CELF6: variants seen among roughly 807,000 people sequenced by gnomAD.
CELF6 encodes the protein Bruno -like 6, RNA binding protein.
In CELF6, 32 loss-of-function variants were observed where a neutral mutation model predicts 53.1. That is an observed-to-expected ratio of 0.60 (90% CI 0.46 to 0.81). The LOEUF is 0.81. Ranked by LOEUF, CELF6 falls within the 30% of genes least tolerant of loss-of-function variation. The probability of loss-of-function intolerance (pLI) is 0.00; values close to 1 mark genes in which losing one functional copy is unlikely to be tolerated. For synonymous variants in CELF6, 291 were observed against 288.8 expected, an observed-to-expected ratio of 1.01 and a Z score of -0.08; for missense variants, 539 against 669.5, an observed-to-expected ratio of 0.81 and a Z score of 2.15.
chr15:72,313,706 A>G (rs2088328935), intron 2 of CELF6: 2 of 955,762 alleles, frequency 2.1e-6, no homozygotes, highest in Non-Finnish European at 2.5e-6. Context: ...TGTTTCCCAC[A>G]TGGAATGTTA....
rs1270882566 is a variant in CELF6, at chr15:72,288,596, G to T, written c.1116C>A (p.Ala372=). The T allele has an allele frequency of 6.4e-7, 1 of 1,570,472 alleles. No homozygotes were observed. Among genetic ancestry groups the T allele is most frequent in the Non-Finnish European group, 8.6e-7 (1 of 1,158,012 alleles). The part of the protein sequence containing the change: ...HYAAAYPSAY[A]PVSTAFPQQP... The stretch of plus-strand genomic sequence containing the variant: ...GCTGGGGAAAAGCTGTGCTCACTGG[G>T]GCATAGGCCGACGGATAGGCTGCTG... The change falls in exon 10 of 13, where the codon GCC becomes GCA. Residue 372 remains alanine (A), a synonymous_variant. Transcript: ENST00000287202. This position sits in a 1 kb window ranked among gnomAD's most constrained non-coding sequence, Gnocchi z 4.6.
chr15:72,305,503 G>C (rs925511042), intron 2 of CELF6, among the ~76,000 whole-genome samples: 13 of 152,120 alleles, frequency 8.5e-5, no homozygotes, highest in African/African-American at 2.9e-4. Flanking sequence ...CACTGCGCCC[G>C]GCCAGATTCA....
At chr15:72,316,758 C>T (rs1381241665) in intron 1 of CELF6, among the ~76,000 whole-genome samples, 1 of 152,202 alleles carries the variant, frequency 6.6e-6, no homozygotes, top group Non-Finnish European at 1.5e-5. Flanking sequence ...TTTCCAACAG[C>T]CACTGAGCAC....
intron 1 of CELF6, among the ~76,000 whole-genome samples, chr15:72,318,371 G>A (rs1181245955): frequency 6.6e-6 from 1 of 152,146 alleles, no homozygotes; most frequent in Non-Finnish European, 1.5e-5. Flanking sequence ...CAGTCCTTAG[G>A]AATGTACCTT....
chr15:72,305,857 T>TC (rs1214793986), intron 2 of CELF6, among the ~76,000 whole-genome samples: 2 of 147,912 alleles, frequency 1.4e-5, no homozygotes, highest in East Asian at 3.9e-4. Context: ...CTCATTTGTT[T>TC]TTTTTTTTTT....
At chr15:72,306,865 G>A (rs1420304296) in intron 2 of CELF6, among the ~76,000 whole-genome samples, 2 of 152,190 alleles carry the variant, frequency 1.3e-5, no homozygotes, top group African/African-American at 4.8e-5. Flanking sequence ...GAGCCATGGA[G>A]AGCAGAGACA....
chr15:72,290,404 T>A (rs8033635), intron 3 of CELF6, 149 bp from the exon 4 acceptor site: 2 of 916,830 alleles, frequency 2.2e-6, no homozygotes, highest in Admixed American at 2.9e-5. Context: ...TTGGTTTTCA[T>A]TGAGGGGCAG....
chr15:72,294,606 T>C (rs905327667), intron 3 of CELF6, among the ~76,000 whole-genome samples: 28 of 152,304 alleles, frequency 1.8e-4, no homozygotes, highest in African/African-American at 6.3e-4. Context: ...TTCAGCAAAG[T>C]TGCAAGAAAT....
chr15:72,294,337 C>T (rs1187482503), intron 3 of CELF6, among the ~76,000 whole-genome samples: 4 of 152,232 alleles, frequency 2.6e-5, no homozygotes, highest in Non-Finnish European at 5.9e-5. Context: ...CGGGTACCAA[C>T]TACCAGACAC....
chr15:72,305,625 C>T (rs1367337643), intron 2 of CELF6, among the ~76,000 whole-genome samples: 5 of 152,178 alleles, frequency 3.3e-5, no homozygotes, highest in Non-Finnish European at 5.9e-5. Context: ...TGGAGTTTTC[C>T]AAGGTGCCGT....
At chr15:72,291,820 G>A (rs996848016) in intron 3 of CELF6, among the ~76,000 whole-genome samples, 11 of 152,158 alleles carry the variant, frequency 7.2e-5, no homozygotes, top group South Asian at 4.1e-4. Flanking sequence ...AAATTCTGCC[G>A]TCTGTCCAGA....
chr15:72,315,425 C>T (rs959824546), intron 2 of CELF6, among the ~76,000 whole-genome samples: 2 of 152,126 alleles, frequency 1.3e-5, no homozygotes, highest in South Asian at 4.1e-4. Flanking sequence ...ATAACCATTA[C>T]AGGAAAAGGA....
At position 72,289,822 on chromosome 15, in the gene CELF6, C is replaced by T. The variant is rs532890515; in HGVS notation, c.604-52G>A. On this transcript the variant is annotated intron_variant, in intron 5 of 12. Coordinates refer to ENST00000287202, the MANE Select transcript of CELF6 (RefSeq NM_052840.5). This position sits in a 1 kb window ranked among gnomAD's most constrained non-coding sequence, Gnocchi z 7.6. ...GACCGGTCCTGACCCTGGCCCCGGC[C>T]CGGGGCCGAGCGCCTTTCCCATCAG... 169 of 1,468,838 alleles carry T rather than the reference C, an allele frequency of 1.2e-4. No homozygotes were observed. In the Admixed American group the frequency reaches 1.3e-3, roughly 12 times the overall value. The allele number at this position is 1,468,838 out of a possible 1,614,324, so 91.0% of individuals were successfully genotyped here. A position where few individuals can be genotyped will look rare whatever the true frequency, so the allele number is the denominator to read the frequency against.
At chr15:72,306,183 G>A (rs1235614411) in intron 2 of CELF6, 5 of 975,798 alleles carry the variant, frequency 5.1e-6, no homozygotes, top group Admixed American at 6.2e-5. Context: ...AGGTAATGGG[G>A]ACGCAAAAGG....
chr15:72,317,723 A>T lies in CELF6; in HGVS notation c.263-1796T>A, dbSNP rs552137734. On this transcript the variant is annotated intron_variant, in intron 1 of 12. Coordinates refer to ENST00000287202, the MANE Select transcript of CELF6 (RefSeq NM_052840.5). Reference sequence around the variant, plus strand: ...GAGAGTTGTGATTTAGTTTGGAAATAAATCACCAAACACCTGATTCCACTT... The same window carrying T: ...GAGAGTTGTGATTTAGTTTGGAAATTAATCACCAAACACCTGATTCCACTT... Among the ~76,000 whole-genome samples, 19 of 152,308 alleles carry T rather than the reference A, an allele frequency of 1.2e-4. No homozygotes were observed. In the South Asian group the frequency reaches 3.9e-3, roughly 32 times the overall value.
chr15:72,309,851 C>T (rs2088274080), intron 2 of CELF6, among the ~76,000 whole-genome samples: 1 of 152,200 alleles, frequency 6.6e-6, no homozygotes, highest in African/African-American at 2.4e-5. Flanking sequence ...TGGCTGAGCA[C>T]CTGTTCCCTT....
At chr15:72,291,988 C>A (rs967601243) in intron 3 of CELF6, among the ~76,000 whole-genome samples, 10 of 152,082 alleles carry the variant, frequency 6.6e-5, no homozygotes, top group African/African-American at 1.7e-4. Context: ...AGAATAGTGC[C>A]CTTGGAACAG....
chr15:72,291,743 C>CGATG (rs1211187533), intron 3 of CELF6, among the ~76,000 whole-genome samples: 10 of 152,252 alleles, frequency 6.6e-5, no homozygotes, highest in Admixed American at 6.5e-4. Context: ...GTCTGTCTGA[C>CGATG]GATGCTATGT....
Position 72,288,948 on chromosome 15 carries a change from C to T in CELF6, c.1031-18G>A, listed in dbSNP as rs1168486097. 27 of 1,548,326 alleles carry T rather than the reference C, an allele frequency of 1.7e-5. No homozygotes were observed. The highest frequency in any genetic ancestry group is 1.5e-4 in the East Asian group (6 of 40,926). ...GCTCTGGGCTGGGGAGAGAGGGGCG[C>T]GAGGCCCACAGTGAAGGCAAGCGGG... On this transcript the variant is annotated intron_variant, in intron 8 of 12. Transcript: ENST00000287202. This position sits in a 1 kb window ranked among gnomAD's most constrained non-coding sequence, Gnocchi z 4.6.
Sources: allele counts gnomAD v4.1 joint callset (sites outside exome capture counted in the v4.1 genomes callset), GRCh38; gene constraint gnomAD v4.1.1; non-coding constraint Gnocchi (gnomAD v3.1); transcripts MANE v1.5; gene names NCBI Gene and HGNC (gene_info 2026-07-23, HGNC 2026-07-21).